Variants in SH3BP5 observed in about 807,000 individuals in gnomAD.
SH3BP5 encodes the protein SH3 domain binding protein 5, also known as SH3 domain-binding protein 5.
Under a neutral mutation model 43.3 loss-of-function variants are expected in SH3BP5, and 22 were observed. The ratio of observed to expected loss-of-function variants is 0.51; its 90% CI spans 0.36 to 0.73. The LOEUF (loss-of-function observed/expected upper bound fraction) is 0.73. Ranked by LOEUF, SH3BP5 falls within the 30% of genes least tolerant of loss-of-function variation. The probability of loss-of-function intolerance (pLI) is 0.00; values close to 1 mark genes in which losing one functional copy is unlikely to be tolerated. For missense variants in SH3BP5, 529 were observed against 586.9 expected (o/e 0.90, Z 1.02); for synonymous variants, 255 against 225.8 (o/e 1.13, Z -1.16).
intron 1 of SH3BP5, among the ~76,000 whole-genome samples, chr3:15,337,906 C>T (rs1355730228): frequency 7.4e-6 from 1 of 134,988 alleles, no homozygotes; most frequent in Non-Finnish European, 1.6e-5. Context: ...CAGAGTGAGA[C>T]CCTGACTCAA....
chr3:15,318,386 A>G (rs75333073), intron 2 of SH3BP5, among the ~76,000 whole-genome samples: 4,261 of 152,182 alleles, frequency 0.028, 72 homozygotes, highest in South Asian at 0.08. Flanking sequence ...AGGAAATTAA[A>G]CCTAGATAAG....
rs1696231232 is a variant in SH3BP5, at chr3:15,257,003, T to A, written c.1000A>T (p.Met334Leu). 2 of 1,614,078 alleles carry A rather than the reference T, an allele frequency of 1.2e-6. No individual in the cohort carries two copies. Among genetic ancestry groups the A allele is most frequent in the Non-Finnish European group, 1.7e-6 (2 of 1,180,044 alleles). The change falls in exon 8 of 9, where the codon ATG (methionine) becomes TTG (leucine). Residue 334 changes from methionine to leucine, a missense_variant. Met to Leu is a conservative substitution (Grantham distance 15). Coordinates refer to ENST00000383791, the MANE Select transcript of SH3BP5 (RefSeq NM_004844.5). ...ACAACCGCAGGGAACTGGTCAGGCA[T>A]CTCAGACGGGCTTGTTGGTCCTGAA... is the stretch of plus-strand genomic sequence containing the variant. ...FSSGPTSPSE[M>L]PDQFPAVVRP...
At chr3:15,303,223 G>A (rs998105426) in intron 3 of SH3BP5, among the ~76,000 whole-genome samples, 1 of 152,184 alleles carries the variant, frequency 6.6e-6, no homozygotes, top group African/African-American at 2.4e-5. Context: ...ACTACAATTT[G>A]GACCAACTGC....
intron 2 of SH3BP5, among the ~76,000 whole-genome samples, chr3:15,309,812 G>C (rs1360854564): frequency 6.6e-6 from 1 of 152,058 alleles, no homozygotes; most frequent in Admixed American, 6.6e-5. Context: ...TGTGCTGCCA[G>C]GAATGATGCA....
In SH3BP5 at chr3:15,259,751, C is replaced by G. The variant is rs1559424225; in HGVS notation, c.669+10G>C. 2 of 1,613,962 alleles carry G rather than the reference C, an allele frequency of 1.2e-6. No individual in the cohort carries two copies. The highest frequency in any genetic ancestry group is 8.5e-7 in the Non-Finnish European group (1 of 1,179,868). ...ATCTCATCAGTGACGAAGCCCAAAG[C>G]TACACATACCTCGAGCTGCACATAG... On this transcript the variant is annotated intron_variant, in intron 6 of 8. Coordinates refer to ENST00000383791, the MANE Select transcript of SH3BP5 (RefSeq NM_004844.5).
At chr3:15,333,068 C>G (rs964892514), upstream of SH3BP5, 1 of 985,152 alleles carries the variant, frequency 1.0e-6, no homozygotes, top group African/African-American at 1.7e-5. Flanking sequence ...TACCGAAACA[C>G]AGAGGTGCGG....
chr3:15,270,991 G>C (rs1409866603), intron 3 of SH3BP5, among the ~76,000 whole-genome samples: 1 of 146,736 alleles, frequency 6.8e-6, no homozygotes, highest in Non-Finnish European at 1.5e-5. Context: ...TAAAGACTTA[G>C]TACAAAAAAA....
intron 2 of SH3BP5, among the ~76,000 whole-genome samples, chr3:15,313,208 C>T (rs4685247): frequency 0.82 from 124,547 of 152,288 alleles, 51,386 homozygotes; most frequent in African/African-American, 0.92. Flanking sequence ...TTGCATAAGC[C>T]GAGATCATGC....
intron 2 of SH3BP5, among the ~76,000 whole-genome samples, chr3:15,314,480 G>C (rs776664097): frequency 1.3e-5 from 2 of 152,178 alleles, no homozygotes; most frequent in Non-Finnish European, 2.9e-5. Flanking sequence ...AGCAGAGATA[G>C]AAGCACAAAG....
rs143166666 is a variant in SH3BP5, at chr3:15,273,360, C to A, written c.331-3483G>T. The A allele has an allele frequency of 3.7e-5, 36 of 985,426 alleles. No homozygotes were observed. In the African/African-American group the frequency reaches 5.9e-4, roughly 16 times the overall value. The allele number at this position is 985,426 out of a possible 1,614,324, so 61.0% of individuals were successfully genotyped here. On this transcript the variant is annotated intron_variant, in intron 3 of 8. Transcript: ENST00000383791. ...ACCACGGGCCCAGCACCTCTTCACA[C>A]CCTCTGCCATGTATCTGATGAGTTC...
In SH3BP5 at chr3:15,262,217, C is replaced by T. The variant is rs141568822; in HGVS notation, c.568G>A (p.Ala190Thr). Residue 190 changes from alanine to threonine, a missense_variant, in exon 5 of 9, where the codon GCC becomes ACC. Coordinates refer to ENST00000383791, the MANE Select transcript of SH3BP5 (RefSeq NM_004844.5). ...TCCAGCTGTCGCATGCGGCCCATGG[C>T]GGCATTGTACCTGGCTGCCGTCTCC... ...HKETAARYNA[A>T]MGRMRQLEKK... The T allele has an allele frequency of 2.3e-5, 37 of 1,614,006 alleles. No individual in the cohort carries two copies. Among genetic ancestry groups the T allele is most frequent in the African/African-American group, 2.7e-5 (2 of 74,902 alleles).
rs1269907801 is a variant in SH3BP5 at position 15,258,994 on chromosome 3, C to T, written c.726G>A (p.Glu242=). 11 of 1,614,128 alleles carry T rather than the reference C, an allele frequency of 6.8e-6. No homozygotes were observed. The highest frequency in any genetic ancestry group is 1.3e-5 in the African/African-American group (1 of 74,942). Residue 242 remains glutamate, a synonymous_variant, in exon 7 of 9, where the codon GAG becomes GAA. Transcript: ENST00000383791. ...CCAGGTTCTTCAGGGCCATCTTGTA[C>T]TCGCCTTTTGCCAGGGTCAGTTTGG... The part of the protein sequence containing the change: ...LQAKLTLAKG[E]YKMALKNLEM...
rs537406003 is a variant in SH3BP5 at position 15,322,569 on chromosome 3, G to A, written c.201+7935C>T. Among the ~76,000 whole-genome samples, 26 of 152,048 alleles carry A rather than the reference G, an allele frequency of 1.7e-4. No homozygotes were observed. The South Asian group carries it at 2.5e-3, about 15-fold the overall frequency. ...AACAGCCTGGGAGGCCGGGTGTGGCGGCTCATGCCTGTAATCCCAACACTT... is the reference window on the plus strand; with the variant it reads ...AACAGCCTGGGAGGCCGGGTGTGGCAGCTCATGCCTGTAATCCCAACACTT... On this transcript the variant is annotated intron_variant, in intron 2 of 8. Coordinates refer to ENST00000383791, the MANE Select transcript of SH3BP5 (RefSeq NM_004844.5).
intron 1 of SH3BP5, among the ~76,000 whole-genome samples, chr3:15,331,549 A>T (rs1698609409): frequency 6.6e-6 from 1 of 152,150 alleles, no homozygotes; most frequent in African/African-American, 2.4e-5. Context: ...ATTGTTTTTT[A>T]ATCATCTCTC....
intron 2 of SH3BP5, among the ~76,000 whole-genome samples, chr3:15,320,642 C>CACACACACACACACACACACA (rs1553619765): frequency 7.8e-5 from 2 of 25,768 alleles, no homozygotes; most frequent in African/African-American, 2.8e-4. Context: ...ACACACACAC[C>CACACACACACACACACACACA]CCACTACGTT....
At chr3:15,323,652 C>T (rs1313872140) in intron 2 of SH3BP5, among the ~76,000 whole-genome samples, 1 of 152,172 alleles carries the variant, frequency 6.6e-6, no homozygotes, top group Non-Finnish European at 1.5e-5. Context: ...CTGATTTCAG[C>T]CTGTATCACC....
At chr3:15,259,149 C>A in intron 6 of SH3BP5, 99 bp from the exon 7 acceptor site, 1 of 953,984 alleles carries the variant, frequency 1.0e-6, no homozygotes, top group Admixed American at 2.2e-5. Flanking sequence ...CATCATTCTA[C>A]TTCAAGGAAT....
chr3:15,272,617 C>CATTACAAAACAGAGTGCCT (rs1559432774), intron 3 of SH3BP5, among the ~76,000 whole-genome samples: 263 of 42,902 alleles, frequency 6.1e-3, no homozygotes, highest in Non-Finnish European at 7.4e-3. Context: ...ACAGAGTGCC[C>CATTACAAAACAGAGTGCCT]GTAGGATAAA....
At chr3:15,316,652 G>GT (rs1698193446) in intron 2 of SH3BP5, among the ~76,000 whole-genome samples, 1 of 151,776 alleles carries the variant, frequency 6.6e-6, no homozygotes, top group Non-Finnish European at 1.5e-5. Flanking sequence ...TGATGACTGG[G>GT]TATTCATGTG....
Sources: allele counts gnomAD v4.1 joint callset (sites outside exome capture counted in the v4.1 genomes callset), GRCh38; gene constraint gnomAD v4.1.1; transcripts MANE v1.5; gene names NCBI Gene and HGNC (gene_info 2026-07-23, HGNC 2026-07-21).